Variants in SGCD observed in about 807,000 individuals in gnomAD.
SGCD encodes the protein sarcoglycan delta.
SGCD carries 18 observed loss-of-function variants against 36.6 expected under a neutral mutation model. The observed-to-expected ratio is 0.49, with a 90% CI of 0.34 to 0.73. The LOEUF is 0.73. SGCD is among the 30% of genes least tolerant of loss of function. The pLI, the probability that SGCD is intolerant of heterozygous loss-of-function variation, is 0.01. For missense variants in SGCD, 387 were observed against 346.7 expected (o/e 1.12, Z -0.92); for synonymous variants, 133 against 130.6 (o/e 1.02, Z -0.12).
intron 3 of SGCD, among the ~76,000 whole-genome samples, chr5:156,315,155 C>A (rs567757083): frequency 6.6e-6 from 1 of 151,874 alleles, no homozygotes; most frequent in South Asian, 2.1e-4. Context: ...GTCTCCAATA[C>A]CTATTCATTT....
chr5:156,699,780 T>A (rs1754458688), intron 7 of SGCD, among the ~76,000 whole-genome samples: 1 of 152,194 alleles, frequency 6.6e-6, no homozygotes, highest in Non-Finnish European at 1.5e-5. Flanking sequence ...CAGACCCTGT[T>A]CTTTAGAGTA....
At chr5:156,133,621 A>G (rs752534831) in intron 3 of SGCD, among the ~76,000 whole-genome samples, 1 of 152,176 alleles carries the variant, frequency 6.6e-6, no homozygotes, top group Admixed American at 6.5e-5. Flanking sequence ...GCCAAACTAA[A>G]GGATACTTCC....
intron 1 of SGCD, among the ~76,000 whole-genome samples, chr5:156,037,622 A>T (rs1291350267): frequency 6.6e-6 from 1 of 152,196 alleles, no homozygotes; most frequent in African/African-American, 2.4e-5. Context: ...TAGCTTGTTG[A>T]TGGCTGTGAT....
At chr5:155,985,283 G>T (rs1758308147) in intron 1 of SGCD, among the ~76,000 whole-genome samples, 1 of 152,112 alleles carries the variant, frequency 6.6e-6, no homozygotes, top group African/African-American at 2.4e-5. Flanking sequence ...GGCCCATTCA[G>T]GTTGTTGGTA....
At chr5:156,257,685 G>T (rs907093957) in intron 3 of SGCD, among the ~76,000 whole-genome samples, 3 of 151,974 alleles carry the variant, frequency 2.0e-5, no homozygotes, top group Admixed American at 2.0e-4. Flanking sequence ...CCAACATGGT[G>T]AAACCCCGTG....
intron 3 of SGCD, among the ~76,000 whole-genome samples, chr5:156,239,312 A>C (rs567698590): frequency 6.7e-6 from 1 of 149,366 alleles, no homozygotes; most frequent in South Asian, 2.1e-4. Context: ...AGGCAGGAGA[A>C]TCGCTTGAAC....
chr5:155,867,744 C>T (rs1476668137), upstream of SGCD, among the ~76,000 whole-genome samples: 1 of 152,208 alleles, frequency 6.6e-6, no homozygotes, highest in African/African-American at 2.4e-5. Flanking sequence ...ATGATAATGG[C>T]TAACACTTAG....
chr5:156,715,072 C>T (rs1473985242), intron 7 of SGCD, among the ~76,000 whole-genome samples: 1 of 152,210 alleles, frequency 6.6e-6, no homozygotes, highest in Non-Finnish European at 1.5e-5. Context: ...TGGCACAATT[C>T]ATTCCACCTC....
chr5:155,813,630 G>A, the SGCD span, among the ~76,000 whole-genome samples: 1 of 152,262 alleles, frequency 6.6e-6, no homozygotes, highest in South Asian at 2.1e-4. Flanking sequence ...GGATTCTTCT[G>A]AAGGTTTATG....
At chr5:155,779,065 A>G in the SGCD span, among the ~76,000 whole-genome samples, 1 of 152,176 alleles carries the variant, frequency 6.6e-6, no homozygotes, top group Non-Finnish European at 1.5e-5. Flanking sequence ...ACTGGAATGT[A>G]TGTTTACTCT....
intron 7 of SGCD, among the ~76,000 whole-genome samples, chr5:156,724,327 G>A (rs1484665551): frequency 5.9e-5 from 9 of 152,168 alleles, no homozygotes; most frequent in East Asian, 1.9e-4. Flanking sequence ...CTAGATACCC[G>A]GGCGTGGTGG....
At chr5:156,490,398 A>G (rs971567748) in intron 3 of SGCD, among the ~76,000 whole-genome samples, 2 of 152,042 alleles carry the variant, frequency 1.3e-5, no homozygotes, top group Non-Finnish European at 2.9e-5. Flanking sequence ...CAAGGACACA[A>G]GAAAAATAGC....
intron 3 of SGCD, 67 bp downstream of exon 3, chr5:156,344,744 AG>A: frequency 8.1e-7 from 1 of 1,239,630 alleles, no homozygotes; most frequent in Non-Finnish European, 1.1e-6. Flanking sequence ...AAGATGATGA[AG>A]GAATGTGGAA....
chr5:156,022,301 T>C (rs1333556199), intron 1 of SGCD, among the ~76,000 whole-genome samples: 1 of 152,202 alleles, frequency 6.6e-6, no homozygotes, highest in Non-Finnish European at 1.5e-5. Context: ...CTTCTAAAAA[T>C]ACCTCACAGA....
At chr5:155,849,791 A>G in the SGCD span, among the ~76,000 whole-genome samples, 118 of 152,338 alleles carry the variant, frequency 7.7e-4, no homozygotes, top group Non-Finnish European at 1.1e-3. Context: ...TAGACACCCC[A>G]AATGTTACCT....
chr5:156,513,530 T>C (rs538883225), intron 4 of SGCD, among the ~76,000 whole-genome samples: 1 of 152,156 alleles, frequency 6.6e-6, no homozygotes, highest in Non-Finnish European at 1.5e-5. Flanking sequence ...GCTTTTCCTA[T>C]TGAAAAGAGA....
the SGCD span, among the ~76,000 whole-genome samples, chr5:155,830,349 C>CTCT: frequency 0.6 from 91,319 of 151,682 alleles, 29,339 homozygotes; most frequent in African/African-American, 0.82. Context: ...GTGGTGTCTC[C>CTCT]TCTTCTTATA....
intron 3 of SGCD, among the ~76,000 whole-genome samples, chr5:156,166,347 C>T (rs1000381858): frequency 2.0e-5 from 3 of 152,150 alleles, no homozygotes; most frequent in African/African-American, 2.4e-5. Context: ...GATGGAGTCT[C>T]GCTCTGTCAC....
At position 156,232,506 on chromosome 5, in the gene SGCD, C is replaced by T. The variant is rs143665699; in HGVS notation, c.-43-97028C>T. ...TATTTGTGAGCCTTTCACACTCTAT[C>T]TGGTGACTTAACTCTCATAACTCTG... On this transcript the variant is annotated intron_variant, in intron 3 of 9. Transcript: ENST00000517913. Among the ~76,000 whole-genome samples, 1,002 of 152,302 alleles carry T rather than the reference C, an allele frequency of 6.6e-3. 12 individuals are homozygous for T. Among genetic ancestry groups the T allele is most frequent in the African/African-American group, 0.023 (946 of 41,562 alleles).
Sources: allele counts gnomAD v4.1 joint callset (sites outside exome capture counted in the v4.1 genomes callset), GRCh38; gene constraint gnomAD v4.1.1; transcripts MANE v1.5; gene names NCBI Gene and HGNC (gene_info 2026-07-23, HGNC 2026-07-21).